Variants in CT47C1 observed in about 807,000 individuals in gnomAD.
CT47C1 encodes cancer/testis antigen family 47 member C1.
the CT47C1 span, chrX:119,074,125 A>G: frequency 8.3e-6 from 4 of 481,165 alleles, no homozygotes; most frequent in Non-Finnish European, 1.5e-5. Flanking sequence ...GGACCCGTGC[A>G]CCCAAGGGTT....
At chrX:119,073,950 A>G in the CT47C1 span, 1 of 789,566 alleles carries the variant, frequency 1.3e-6, no homozygotes, top group South Asian at 2.1e-5. Context: ...GCCTCAGAGA[A>G]GCCCACAGAG....
chrX:119,075,171 C>A, the CT47C1 span: 3 of 1,016,617 alleles, frequency 3.0e-6, no homozygotes, highest in African/African-American at 3.8e-5. Context: ...CTGTTGCTGA[C>A]AGTTTTATTT....
At chrX:119,074,155 G>T in the CT47C1 span, 1 of 428,879 alleles carries the variant, frequency 2.3e-6, no homozygotes, top group Non-Finnish European at 4.0e-6. Context: ...GCCGCGGTGT[G>T]CGCACAGCTG....
chrX:119,073,660 CCT>C, the CT47C1 span: 2 of 583,717 alleles, frequency 3.4e-6, no homozygotes, highest in Non-Finnish European at 5.7e-6. Context: ...ACGACCACAT[CCT>C]GATCAGGATG....
At chrX:119,073,033 C>T in the CT47C1 span, among the ~76,000 whole-genome samples, 8 of 112,131 alleles carry the variant, frequency 7.1e-5, no homozygotes, top group African/African-American at 3.2e-5. Context: ...CTCCTGGGAT[C>T]GGCTCCCTGC....
chrX:119,075,159 A>G, the CT47C1 span: 1 of 1,043,192 alleles, frequency 9.6e-7, no homozygotes, highest in Non-Finnish European at 1.3e-6. Context: ...CCTGGCATTT[A>G]CCTGTTGCTG....
At chrX:119,074,861 C>T in the CT47C1 span, 22 of 865,739 alleles carry the variant, frequency 2.5e-5, no homozygotes, top group Non-Finnish European at 2.9e-5. Context: ...CCTCCTGCTT[C>T]TCCTGAGGGT....
At chrX:119,073,120 G>A in the CT47C1 span, 1 of 407,865 alleles carries the variant, frequency 2.5e-6, no homozygotes, top group Non-Finnish European at 4.2e-6. Context: ...TCTCTCAGCA[G>A]CCCAGCCCCT....
the CT47C1 span, chrX:119,073,585 C>T: frequency 3.7e-6 from 2 of 533,904 alleles, no homozygotes; most frequent in Non-Finnish European, 3.4e-6. Flanking sequence ...GTCGCTACCC[C>T]ATAAGAGGCT....
the CT47C1 span, among the ~76,000 whole-genome samples, chrX:119,075,561 C>A: frequency 8.9e-6 from 1 of 111,788 alleles, no homozygotes; most frequent in East Asian, 2.8e-4. Flanking sequence ...TAACAAATAG[C>A]AAAAAGCTAA....
At chrX:119,075,915 C>G in the CT47C1 span, among the ~76,000 whole-genome samples, 799 of 111,731 alleles carry the variant, frequency 7.2e-3, 3 homozygotes, top group Non-Finnish European at 0.011. Flanking sequence ...AAAACAACAA[C>G]AAGAAGCTTT....
the CT47C1 span, chrX:119,073,915 G>A: frequency 1.2e-6 from 1 of 828,937 alleles, no homozygotes; most frequent in Non-Finnish European, 1.8e-6. Flanking sequence ...CCACAGAGGA[G>A]GCCGCAGAAG....
At chrX:119,073,993 C>G in the CT47C1 span, 3 of 675,214 alleles carry the variant, frequency 4.4e-6, no homozygotes, top group Admixed American at 5.2e-5. Flanking sequence ...CAGAGGAGGC[C>G]GCAGAGGAAC....
chrX:119,074,143 G>C, the CT47C1 span: 1 of 459,151 alleles, frequency 2.2e-6, no homozygotes, highest in Non-Finnish European at 3.8e-6. Flanking sequence ...GTTCCAGGCA[G>C]GGCCGCGGTG....
At chrX:119,073,700 C>A in the CT47C1 span, 6 of 674,755 alleles carry the variant, frequency 8.9e-6, no homozygotes, top group African/African-American at 1.3e-4. Flanking sequence ...GCGGAGGCGC[C>A]GCACTGCGGC....
the CT47C1 span, chrX:119,074,105 G>A: frequency 2.0e-5 from 10 of 487,929 alleles, no homozygotes; most frequent in East Asian, 3.3e-5. Flanking sequence ...CTGCAGTGGC[G>A]GGGAGACAGG....
chrX:119,074,038 C>T, the CT47C1 span: 8 of 551,098 alleles, frequency 1.5e-5, no homozygotes, highest in East Asian at 3.3e-5. Flanking sequence ...AGGAGGAGTC[C>T]GCAGAGGAAC....
the CT47C1 span, chrX:119,073,924 A>C: frequency 1.2e-6 from 1 of 810,023 alleles, no homozygotes; most frequent in Non-Finnish European, 1.8e-6. Context: ...AGGCCGCAGA[A>C]GAGCCCGCAG....
At chrX:119,074,645 C>T in the CT47C1 span, among the ~76,000 whole-genome samples, 71 of 111,411 alleles carry the variant, frequency 6.4e-4, no homozygotes, top group Non-Finnish European at 1.2e-3. Context: ...CTGATCAAAA[C>T]ACTTAGAATG....
Sources: allele counts gnomAD v4.1 joint callset (sites outside exome capture counted in the v4.1 genomes callset), GRCh38; gene constraint gnomAD v4.1.1; transcripts MANE v1.5; gene names NCBI Gene and HGNC (gene_info 2026-07-23, HGNC 2026-07-21).